Variants in KIAA0513 observed in about 807,000 individuals in gnomAD.
KIAA0513 encodes the protein KIAA0513, also known as uncharacterized protein KIAA0513.
A neutral mutation model predicts 56.5 loss-of-function variants in KIAA0513; 39 were observed. The ratio of observed to expected loss-of-function variants is 0.69; its 90% CI spans 0.53 to 0.90. The LOEUF is 0.90. Ranked by LOEUF, KIAA0513 falls within the 40% of genes least tolerant of loss-of-function variation. The pLI, the probability that KIAA0513 is intolerant of heterozygous loss-of-function variation, is 0.00. For missense variants in KIAA0513, 591 were observed against 535.2 expected (o/e 1.10, Z -1.03); for synonymous variants, 268 against 215.6 (o/e 1.24, Z -2.13).
At chr16:85,057,494 C>T (rs1188763254) in intron 1 of KIAA0513, among the ~76,000 whole-genome samples, 3 of 152,228 alleles carry the variant, frequency 2.0e-5, no homozygotes, top group Non-Finnish European at 4.4e-5. Flanking sequence ...GATGCAGCCC[C>T]TTTGGGTGGA....
intron 1 of KIAA0513, among the ~76,000 whole-genome samples, chr16:85,031,567 A>G (rs895752713): frequency 6.6e-6 from 1 of 152,212 alleles, no homozygotes; most frequent in Non-Finnish European, 1.5e-5. Context: ...GGGCAACTGC[A>G]CAGGTGCTGA....
intron 1 of KIAA0513, among the ~76,000 whole-genome samples, chr16:85,039,865 C>T (rs1461861358): frequency 1.3e-5 from 2 of 151,048 alleles, no homozygotes; most frequent in Non-Finnish European, 2.9e-5. Context: ...AGGTGGCTCT[C>T]ACTCTGTCAC....
chr16:85,078,875 A>C, intron 7 of KIAA0513, 50 bp from the exon 8 acceptor site: 1 of 1,600,750 alleles, frequency 6.2e-7, no homozygotes, highest in Non-Finnish European at 8.6e-7. Flanking sequence ...GTTTGCCAAC[A>C]GTGGGTGCGC....
intron 1 of KIAA0513, among the ~76,000 whole-genome samples, chr16:85,047,856 G>A (rs993224959): frequency 4.6e-5 from 7 of 152,170 alleles, no homozygotes; most frequent in South Asian, 2.1e-4. Flanking sequence ...CGCAACCTTG[G>A]TGGCACTTCA....
At chr16:85,047,337 T>TC (rs1489907552) in intron 1 of KIAA0513, among the ~76,000 whole-genome samples, 1 of 152,202 alleles carries the variant, frequency 6.6e-6, no homozygotes, top group African/African-American at 2.4e-5. Flanking sequence ...GGGGTTGTTT[T>TC]CCCGAGAGCT....
At chr16:85,061,053 C>T (rs2073397317) in intron 1 of KIAA0513, among the ~76,000 whole-genome samples, 3 of 150,768 alleles carry the variant, frequency 2.0e-5, no homozygotes, top group Admixed American at 6.6e-5. Flanking sequence ...CTTGGGAGGC[C>T]GAGGCAGGAG....
intron 10 of KIAA0513, among the ~76,000 whole-genome samples, chr16:85,084,512 C>T (rs1480688934): frequency 6.6e-6 from 1 of 150,908 alleles, no homozygotes; most frequent in Admixed American, 6.6e-5. Flanking sequence ...TCACTGCAAC[C>T]TCTGCCTCCC....
intron 1 of KIAA0513, among the ~76,000 whole-genome samples, chr16:85,037,748 C>T (rs868590165): frequency 1.1e-4 from 17 of 152,222 alleles, no homozygotes; most frequent in Middle Eastern, 6.8e-3. Flanking sequence ...TGGAAGCAAG[C>T]GGTATTCTAC....
intron 4 of KIAA0513, among the ~76,000 whole-genome samples, chr16:85,074,179 CG>C (rs1000924151): frequency 1.3e-5 from 2 of 151,826 alleles, no homozygotes; most frequent in African/African-American, 4.8e-5. Context: ...TTCACCATGT[CG>C]GCCAGGCTGG....
chr16:85,064,133 G>C (rs2073445734), intron 1 of KIAA0513, among the ~76,000 whole-genome samples: 1 of 151,218 alleles, frequency 6.6e-6, no homozygotes, highest in Non-Finnish European at 1.5e-5. Flanking sequence ...AGCCTCCCGA[G>C]TGTTTAGGAT....
At chr16:85,046,779 C>A (rs1449693510) in intron 1 of KIAA0513, among the ~76,000 whole-genome samples, 1 of 152,154 alleles carries the variant, frequency 6.6e-6, no homozygotes, top group Admixed American at 6.5e-5. Context: ...TCGAAGTTTT[C>A]CATTTGGTTC....
At chr16:85,050,595 C>G (rs184260573) in intron 1 of KIAA0513, among the ~76,000 whole-genome samples, 4 of 152,164 alleles carry the variant, frequency 2.6e-5, no homozygotes, top group Admixed American at 2.6e-4. Context: ...GGATTACAGG[C>G]GTGAGCCGCC....
chr16:85,085,109 C>T (rs909275899), intron 10 of KIAA0513, among the ~76,000 whole-genome samples: 2 of 152,218 alleles, frequency 1.3e-5, no homozygotes, highest in Non-Finnish European at 2.9e-5. Context: ...CACAGCTGTG[C>T]ACAGCAGGCC....
chr16:85,028,054 G>A (rs949119924), intron 1 of KIAA0513, among the ~76,000 whole-genome samples, 196 bp downstream of exon 1: 2 of 152,130 alleles, frequency 1.3e-5, no homozygotes, highest in African/African-American at 4.8e-5. Context: ...GCTCAGGCCG[G>A]GGTTCTCCGC....
At chr16:85,046,300 T>C (rs1186190975) in intron 1 of KIAA0513, among the ~76,000 whole-genome samples, 1 of 152,196 alleles carries the variant, frequency 6.6e-6, no homozygotes, top group Non-Finnish European at 1.5e-5. Context: ...ACATCTTACC[T>C]AACCTGGAGT....
chr16:85,067,627 C>T (rs1485220378), intron 2 of KIAA0513, among the ~76,000 whole-genome samples: 2 of 152,106 alleles, frequency 1.3e-5, no homozygotes, highest in Non-Finnish European at 2.9e-5. Context: ...TCACTCCAGA[C>T]CAGTTATATC....
intron 6 of KIAA0513, 137 bp downstream of exon 6, chr16:85,077,769 G>GC: frequency 1.5e-6 from 1 of 674,214 alleles, no homozygotes; most frequent in Non-Finnish European, 2.5e-6. Context: ...AGCCACTTCT[G>GC]CCCCCACGGC....
chr16:85,056,847 C>T (rs1461239641), intron 1 of KIAA0513, among the ~76,000 whole-genome samples: 2 of 152,072 alleles, frequency 1.3e-5, no homozygotes, highest in Admixed American at 1.3e-4. Flanking sequence ...ACTATAGGTG[C>T]ATGCCTCCAT....
Position 85,081,434 on chromosome 16 carries a change from A to G in KIAA0513, c.980+42A>G. 2 of 1,494,996 alleles carry G rather than the reference A, an allele frequency of 1.3e-6. No homozygotes were observed. The highest frequency in any genetic ancestry group is 1.8e-6 in the Non-Finnish European group (2 of 1,095,112). The allele number at this position is 1,494,996 out of a possible 1,614,324, so 92.6% of individuals were successfully genotyped here. ...GCCCCATTTGGCCTCAGGAAAAAGG[A>G]CCAGGGAGTGGCTTTATTTCCCGGT... On this transcript the variant is annotated intron_variant, in intron 9 of 12. Transcript: ENST00000683363. This position sits in a 1 kb window ranked among gnomAD's most constrained non-coding sequence, Gnocchi z 4.4.
Sources: gnomAD v4.1 joint callset for allele counts (sites outside exome capture counted in the v4.1 genomes callset) on GRCh38, gnomAD v4.1.1 for gene constraint, Gnocchi (gnomAD v3.1) non-coding constraint, MANE v1.5 for transcripts, NCBI Gene and HGNC (gene_info 2026-07-23, HGNC 2026-07-21) for gene names.